PLPP3: variants seen among roughly 807,000 people sequenced by gnomAD.
PLPP3 encodes phospholipid phosphatase 3, also known as PAP2 beta.
A neutral mutation model predicts 29.6 loss-of-function variants in PLPP3; 6 were observed. That is an observed-to-expected ratio of 0.20 (90% CI 0.11 to 0.40). PLPP3 has a LOEUF of 0.40. Among genes scored for constraint, PLPP3 ranks in the 10% least tolerant of loss-of-function variants. PLPP3 has a pLI of 1.00. For synonymous variants in PLPP3, 152 were observed against 159.7 expected (o/e 0.95, Z 0.36); for missense variants, 308 against 407.7 (o/e 0.76, Z 2.11).
rs1646262964 is a variant in PLPP3, at chr1:56,579,507, T to G, written c.-491A>C. ...CTCCTCCGGCTCCTCCTGCTCCTCCTGCTGTTGGTGCTGCTGCCGCGGCGG... is the reference window on the plus strand; with the variant it reads ...CTCCTCCGGCTCCTCCTGCTCCTCCGGCTGTTGGTGCTGCTGCCGCGGCGG... On this transcript the variant is annotated 5_prime_UTR_variant, in exon 1 of 6. Transcript: ENST00000371250. The G allele has an allele frequency of 5.8e-6, 1 of 173,748 alleles. No individual in the cohort carries two copies. The highest frequency in any genetic ancestry group is 2.4e-5 in the African/African-American group (1 of 41,584). 10.8% of individuals were successfully genotyped at this position (173,748 alleles called of 1,614,324 possible). A position where few individuals can be genotyped will look rare whatever the true frequency, so the allele number is the denominator to read the frequency against.
At chr1:56,510,478 T>C (rs1392786600) in intron 5 of PLPP3, among the ~76,000 whole-genome samples, 1 of 152,250 alleles carries the variant, frequency 6.6e-6, no homozygotes. Flanking sequence ...TTCTTCGTGG[T>C]GCCCACTCTG....
rs145916742 is a variant in PLPP3, at chr1:56,510,321, C to T, written c.810+1655G>A. ...GGTCAGTGACAGCTGCTCTCATTAA[C>T]GGTTTGCTCCCCCAGGTTCTCTCCC... On this transcript the variant is annotated intron_variant, in intron 5 of 5. Coordinates refer to ENST00000371250, the MANE Select transcript of PLPP3 (RefSeq NM_003713.5). Among the ~76,000 whole-genome samples, 173 of 152,322 alleles carry T rather than the reference C, an allele frequency of 1.1e-3. 2 individuals carry two copies. The East Asian group carries it at 0.025, about 22-fold the overall frequency.
At position 56,494,771 on chromosome 1, in the gene PLPP3, T is replaced by C. The variant is rs997571884; in HGVS notation, c.*1780A>G. The C allele has an allele frequency of 6.6e-6, 1 of 152,670 alleles. No homozygotes were observed. Among genetic ancestry groups the C allele is most frequent in the African/African-American group, 2.4e-5 (1 of 41,450 alleles). 9.5% of individuals were successfully genotyped at this position (152,670 alleles called of 1,614,324 possible). On this transcript the variant is annotated 3_prime_UTR_variant, in exon 6 of 6. Transcript: ENST00000371250. ...CTTGCAAGTCCTTAATTAGTTGTGT[T>C]ACGAGCTTTTATTTAAAAAGCACAT...
intron 2 of PLPP3, among the ~76,000 whole-genome samples, chr1:56,530,702 A>C (rs1455192087): frequency 1.2e-5 from 1 of 80,520 alleles, no homozygotes; most frequent in Non-Finnish European, 2.7e-5. Flanking sequence ...AGCTCACTTA[A>C]AATACTCTCA....
chr1:56,567,122 A>G (rs748590609), intron 1 of PLPP3, among the ~76,000 whole-genome samples: 85 of 152,204 alleles, frequency 5.6e-4, no homozygotes, highest in Non-Finnish European at 1.0e-3. Flanking sequence ...TGTACGTCAC[A>G]GTCACAGCCT....
intron 1 of PLPP3, among the ~76,000 whole-genome samples, chr1:56,576,857 A>T (rs1486236853): frequency 6.6e-6 from 1 of 152,194 alleles, no homozygotes; most frequent in Non-Finnish European, 1.5e-5. Context: ...AATGTACAAC[A>T]GAGTAGCTTG....
At chr1:56,534,078 C>T (rs1156931574) in intron 2 of PLPP3, among the ~76,000 whole-genome samples, 1 of 152,152 alleles carries the variant, frequency 6.6e-6, no homozygotes. Context: ...AAAATGAATA[C>T]TTAGCATTTC....
intron 1 of PLPP3, among the ~76,000 whole-genome samples, chr1:56,553,066 G>A (rs1646051263): frequency 6.6e-6 from 1 of 152,162 alleles, no homozygotes; most frequent in Non-Finnish European, 1.5e-5. Flanking sequence ...CTTCATCAGA[G>A]TTTATTGTTA....
At position 56,557,040 on chromosome 1, in the gene PLPP3, G is replaced by GAAAGAA. The variant is rs1329774312; in HGVS notation, c.140-19929_140-19928insTTCTTT. Among the ~76,000 whole-genome samples the GAAAGAA allele has an allele frequency of 2.1e-3, 22 of 10,294 alleles. 6 individuals carry two copies. Among genetic ancestry groups the GAAAGAA allele is most frequent in the African/African-American group, 3.2e-3 (18 of 5,578 alleles). 6.8% of individuals were successfully genotyped at this position (10,294 alleles called of 152,430 possible). A position where few individuals can be genotyped will look rare whatever the true frequency, so the allele number is the denominator to read the frequency against. On this transcript the variant is annotated intron_variant, in intron 1 of 5. Transcript: ENST00000371250. ...AGAGAGAGAGAAAGAGAGAGAGAGA[G>GAAAGAA]AGAGAGAGAGAGAGAGAGAAAGAAA...
intron 1 of PLPP3, among the ~76,000 whole-genome samples, chr1:56,543,790 A>G (rs7535757): frequency 0.55 from 84,300 of 151,958 alleles, 23,642 homozygotes; most frequent in South Asian, 0.67. Context: ...GGTCTTCCTT[A>G]GCAATTGCTC....
At chr1:56,547,346 C>G (rs892322884) in intron 1 of PLPP3, among the ~76,000 whole-genome samples, 3 of 152,110 alleles carry the variant, frequency 2.0e-5, no homozygotes, top group South Asian at 4.1e-4. Context: ...AAGACCTGGC[C>G]CCCTACCAAA....
intron 1 of PLPP3, chr1:56,538,483 C>A (rs1453771344): frequency 4.5e-6 from 2 of 447,044 alleles, no homozygotes; most frequent in Non-Finnish European, 8.9e-6. Context: ...AGGAGAGGCA[C>A]CCGATAGATG....
At chr1:56,529,754 C>A (rs562215891) in intron 2 of PLPP3, among the ~76,000 whole-genome samples, 47 of 152,232 alleles carry the variant, frequency 3.1e-4, no homozygotes, top group African/African-American at 1.1e-3. Context: ...TCATCTTCAG[C>A]CTTTTTCAGA....
intron 4 of PLPP3, among the ~76,000 whole-genome samples, chr1:56,515,140 T>A (rs1569870845): frequency 6.6e-6 from 1 of 152,196 alleles, no homozygotes; most frequent in African/African-American, 2.4e-5. Context: ...TTTTCTCACA[T>A]ATAAAATAAG....
chr1:56,523,830 T>C lies in PLPP3; in HGVS notation c.626A>G (p.Tyr209Cys). ...HASFSMYTML[Y>C]LVLYLQARFT... ...CAAAGGGTGGGTACTTACCACCAAA[T>C]ACAGCATAGTGTACATGGAGAAGGA... is the stretch of plus-strand genomic sequence containing the variant. The change falls in exon 4 of 6, where the codon TAT (tyrosine) becomes TGT (cysteine). Residue 209 changes from tyrosine (Y) to cysteine (C), a missense_variant. Coordinates refer to ENST00000371250, the MANE Select transcript of PLPP3 (RefSeq NM_003713.5). 6.2e-7 allele frequency: 1 copy of C among 1,613,596 alleles called. No homozygotes were observed. The highest frequency in any genetic ancestry group is 8.5e-7 in the Non-Finnish European group (1 of 1,179,642).
At chr1:56,505,933 G>T (rs1438019783) in intron 5 of PLPP3, among the ~76,000 whole-genome samples, 2 of 152,152 alleles carry the variant, frequency 1.3e-5, no homozygotes, top group African/African-American at 4.8e-5. Context: ...TCTATTGGCG[G>T]CCAAAGTTTA....
At chr1:56,541,966 CAAA>C (rs71813861) in intron 1 of PLPP3, among the ~76,000 whole-genome samples, 98 of 126,584 alleles carry the variant, frequency 7.7e-4, no homozygotes, top group East Asian at 9.0e-4. Flanking sequence ...AAAGCATGAC[CAAA>C]AAAAAAAAAA....
chr1:56,539,068 C>T (rs531977703), intron 1 of PLPP3, among the ~76,000 whole-genome samples: 2 of 151,346 alleles, frequency 1.3e-5, no homozygotes, highest in Non-Finnish European at 2.9e-5. Flanking sequence ...AGCACTACCA[C>T]CCATCTTCAA....
chr1:56,567,532 G>A (rs1018694920), intron 1 of PLPP3, among the ~76,000 whole-genome samples: 2 of 151,264 alleles, frequency 1.3e-5, no homozygotes, highest in African/African-American at 4.9e-5. Context: ...CACGTAGCTG[G>A]GACTACAGGT....
Sources: allele counts gnomAD v4.1 joint callset (sites outside exome capture counted in the v4.1 genomes callset), GRCh38; gene constraint gnomAD v4.1.1; transcripts MANE v1.5; gene names NCBI Gene and HGNC (gene_info 2026-07-23, HGNC 2026-07-21).